GABBR2: variants seen among roughly 807,000 people sequenced by gnomAD.
The protein encoded by GABBR2 is gamma-aminobutyric acid type B receptor subunit 2.
GABBR2 carries 23 observed loss-of-function variants against 105.6 expected under a neutral mutation model. The observed-to-expected ratio is 0.22, with a 90% CI of 0.16 to 0.31. The LOEUF is 0.31. Among genes scored for constraint, GABBR2 ranks in the 10% least tolerant of loss-of-function variants. GABBR2 has a pLI of 1.00. For missense variants in GABBR2, 734 were observed against 1,245.5 expected (o/e 0.59, Z 6.18); for synonymous variants, 478 against 499.7 (o/e 0.96, Z 0.58).
intron 1 of GABBR2, among the ~76,000 whole-genome samples, chr9:98,596,507 G>A (rs1445861764): frequency 1.3e-5 from 2 of 152,060 alleles, no homozygotes; most frequent in Admixed American, 6.5e-5. Flanking sequence ...GCCCTCTCTG[G>A]TCCCTCCTGA....
intron 1 of GABBR2, among the ~76,000 whole-genome samples, chr9:98,590,382 T>A (rs1006858535): frequency 2.6e-5 from 4 of 152,224 alleles, no homozygotes; most frequent in African/African-American, 9.6e-5. Context: ...CTGCAGACTG[T>A]GTTATTTGAA....
In GABBR2 at chr9:98,586,705, A is replaced by G. The variant is rs10986845; in HGVS notation, c.322-8633T>C. Among the ~76,000 whole-genome samples, 72 of 152,310 alleles carry G rather than the reference A, an allele frequency of 4.7e-4. 1 individual carries two copies. In the East Asian group the frequency reaches 0.013, roughly 28 times the overall value. ...ACATATAAGTGGAATTGTGTTATAC[A>G]TTTCACCTGAAACTTGCCCTTATGG... On this transcript the variant is annotated intron_variant, in intron 1 of 18. Coordinates refer to ENST00000259455, the MANE Select transcript of GABBR2 (RefSeq NM_005458.8).
In GABBR2 at chr9:98,697,472, C is replaced by A. The variant is rs1170981599; in HGVS notation, c.321+10945G>T. 2.9e-5 allele frequency among the ~76,000 whole-genome samples: 4 copies of A among 136,928 alleles called. No homozygotes were observed. In the South Asian group the frequency reaches 7.0e-4, roughly 24 times the overall value. The allele number at this position is 136,928 out of a possible 152,430, so 89.8% of individuals were successfully genotyped here. ...CGCCACTGCACTCCAGCCTGGGCGA[C>A]AGAGCGACACTCCGTCTCAAAAAAA... On this transcript the variant is annotated intron_variant, in intron 1 of 18. Transcript: ENST00000259455.
chr9:98,603,819 T>C (rs1185874547), intron 1 of GABBR2, among the ~76,000 whole-genome samples: 1 of 152,138 alleles, frequency 6.6e-6, no homozygotes, highest in Non-Finnish European at 1.5e-5. Flanking sequence ...GGTTCTTACT[T>C]CCCACTGAGA....
intron 1 of GABBR2, among the ~76,000 whole-genome samples, chr9:98,585,502 G>C (rs1454208143): frequency 8.3e-6 from 1 of 120,990 alleles, no homozygotes; most frequent in Non-Finnish European, 1.7e-5. Context: ...AGGGTGGGGG[G>C]AGTGGGGAGG....
At chr9:98,669,510 A>G (rs1425445318) in intron 1 of GABBR2, among the ~76,000 whole-genome samples, 2 of 152,136 alleles carry the variant, frequency 1.3e-5, no homozygotes, top group African/African-American at 2.4e-5. Context: ...TATATATTAA[A>G]TTATTGTATT....
chr9:98,440,904 G>T (rs894185658), intron 7 of GABBR2, among the ~76,000 whole-genome samples: 1 of 152,116 alleles, frequency 6.6e-6, no homozygotes, highest in East Asian at 1.9e-4. Context: ...AAGCTCCTGG[G>T]CTAACATACC....
chr9:98,636,485 CTTTTTTTTTTTTTTT>C lies in GABBR2; in HGVS notation c.322-58428_322-58414del, dbSNP rs10559312. On this transcript the variant is annotated intron_variant, in intron 1 of 18. Transcript: ENST00000259455. ...ATTGCATTTTATTTTTCTTTCCTTT[CTTTTTTTTTTTTTTT>C]TTTTTTTTTTTGAGATGGAGTCTCA... 8.3e-4 allele frequency among the ~76,000 whole-genome samples: 55 copies of C among 66,212 alleles called. 1 individual carries two copies. Among genetic ancestry groups the C allele is most frequent in the African/African-American group, 2.9e-3 (48 of 16,594 alleles). The allele number at this position is 66,212 out of a possible 152,430, so 43.4% of individuals were successfully genotyped here.
intron 1 of GABBR2, among the ~76,000 whole-genome samples, chr9:98,669,807 G>A (rs947851352): frequency 2.6e-5 from 4 of 152,096 alleles, no homozygotes; most frequent in Non-Finnish European, 5.9e-5. Context: ...CTGGGGGCTG[G>A]CACAGTCAAT....
intron 6 of GABBR2, among the ~76,000 whole-genome samples, chr9:98,464,988 C>T (rs558285562): frequency 5.9e-5 from 9 of 152,008 alleles, no homozygotes; most frequent in African/African-American, 1.7e-4. Flanking sequence ...GGCCGAAGGC[C>T]GCAGGGACCT....
chr9:98,463,887 C>T (rs972382076), intron 6 of GABBR2, among the ~76,000 whole-genome samples: 3 of 152,194 alleles, frequency 2.0e-5, no homozygotes, highest in Non-Finnish European at 4.4e-5. Context: ...CTGCCCGCCT[C>T]GGCCTCCCAA....
chr9:98,638,358 G>A (rs1305178724), intron 1 of GABBR2, among the ~76,000 whole-genome samples: 1 of 152,178 alleles, frequency 6.6e-6, no homozygotes, highest in African/African-American at 2.4e-5. Context: ...GGTTAAAGCT[G>A]GGGAGAATAA....
chr9:98,560,088 A>G (rs1930137), intron 2 of GABBR2, among the ~76,000 whole-genome samples: 42,172 of 151,990 alleles, frequency 0.28, 7,104 homozygotes, highest in East Asian at 0.49. Flanking sequence ...TAAGGATGGC[A>G]TGGAACAGAA....
intron 16 of GABBR2, 41 bp from the exon 17 acceptor site, chr9:98,299,394 A>T: frequency 6.2e-7 from 1 of 1,612,488 alleles, no homozygotes; most frequent in Non-Finnish European, 8.5e-7. Flanking sequence ...TCCCTGGCCC[A>T]GCCCTGGCAG....
intron 6 of GABBR2, among the ~76,000 whole-genome samples, chr9:98,460,917 C>T (rs1251345402): frequency 1.3e-5 from 2 of 152,148 alleles, no homozygotes; most frequent in Admixed American, 6.5e-5. Flanking sequence ...AAAAAAGATG[C>T]ATTACTTCAA....
intron 1 of GABBR2, chr9:98,607,277 C>A: frequency 1.0e-6 from 1 of 997,520 alleles, no homozygotes; most frequent in Non-Finnish European, 1.6e-6. Flanking sequence ...CGCATGTGAA[C>A]GGACGTCAGA....
At chr9:98,302,565 C>A (rs1830486719) in intron 16 of GABBR2, among the ~76,000 whole-genome samples, 2 of 152,198 alleles carry the variant, frequency 1.3e-5, no homozygotes, top group Admixed American at 1.3e-4. Context: ...TCCTTGGTCC[C>A]TTTCCTGTCC....
At chr9:98,567,157 A>G (rs906004969) in intron 2 of GABBR2, among the ~76,000 whole-genome samples, 10 of 152,210 alleles carry the variant, frequency 6.6e-5, no homozygotes, top group African/African-American at 2.4e-4. Context: ...ATTCCCAGAA[A>G]AGGGTTGAAG....
chr9:98,362,710 C>A lies in GABBR2; in HGVS notation c.1893+5G>T. The A allele has an allele frequency of 1.9e-6, 3 of 1,547,002 alleles. No individual in the cohort carries two copies. Among genetic ancestry groups the A allele is most frequent in the Admixed American group, 2.0e-5 (1 of 49,930 alleles). On this transcript the variant is annotated splice_donor_5th_base_variant and intron_variant, in intron 13 of 18. Transcript: ENST00000259455. ...GCTTCCCTCCTGCCGGCATGGAGGG[C>A]TTACCTCCATGCTGTACTTCTCCAC...
Sources: gnomAD v4.1 joint callset for allele counts (sites outside exome capture counted in the v4.1 genomes callset) on GRCh38, gnomAD v4.1.1 for gene constraint, MANE v1.5 for transcripts, NCBI Gene and HGNC (gene_info 2026-07-23, HGNC 2026-07-21) for gene names.